Variants in CCDC181 observed in about 807,000 individuals in gnomAD.
CCDC181 encodes coiled-coil domain containing 181.
A neutral mutation model predicts 58.7 loss-of-function variants in CCDC181; 35 were observed. The observed-to-expected ratio is 0.60, with a 90% CI of 0.46 to 0.79. CCDC181 has a LOEUF of 0.79. Ranked by LOEUF, CCDC181 falls within the 30% of genes least tolerant of loss-of-function variation. The probability of loss-of-function intolerance (pLI) is 0.00; values close to 1 mark genes in which losing one functional copy is unlikely to be tolerated. For missense variants in CCDC181, 517 were observed against 583.9 expected (o/e 0.89, Z 1.18); for synonymous variants, 183 against 197.5 (o/e 0.93, Z 0.62).
rs1454281686 is a variant in CCDC181, at chr1:169,427,368, G to C, written c.-104C>G. On this transcript the variant is annotated 5_prime_UTR_variant, in exon 1 of 6. The change creates a premature stop within an existing upstream ORF in the 5' untranslated region. Transcript: ENST00000367806. Reference sequence around the variant, plus strand: ...CTCCTCTTTCTAAGCTCTTCACATTGAGGCAAAGGAGACCCCGGCACCTGC... The same window carrying C: ...CTCCTCTTTCTAAGCTCTTCACATTCAGGCAAAGGAGACCCCGGCACCTGC... The C allele has an allele frequency of 2.0e-5, 3 of 152,248 alleles. No homozygotes were observed. The highest frequency in any genetic ancestry group is 2.9e-5 in the Non-Finnish European group (2 of 68,124). The allele number at this position is 152,248 out of a possible 1,614,324, so 9.4% of individuals were successfully genotyped here.
At chr1:169,396,109 A>G (rs896526599) in intron 5 of CCDC181, 1 of 152,210 alleles carries the variant, frequency 6.6e-6, no homozygotes, top group Non-Finnish European at 1.5e-5. Context: ...GTATTTTGAA[A>G]TTGTAAATAC....
At chr1:169,404,397 T>TG (rs1439503143) in intron 4 of CCDC181, among the ~76,000 whole-genome samples, 5 of 152,188 alleles carry the variant, frequency 3.3e-5, no homozygotes, top group Non-Finnish European at 7.4e-5. Context: ...TGAACATTGA[T>TG]GCAAAAATCC....
At chr1:169,398,571 G>T (rs568651952) in intron 4 of CCDC181, among the ~76,000 whole-genome samples, 1 of 151,416 alleles carries the variant, frequency 6.6e-6, no homozygotes, top group Non-Finnish European at 1.5e-5. Context: ...TAAAATTAAG[G>T]TTCCCTCTCT....
At chr1:169,404,505 C>T (rs767712293) in intron 4 of CCDC181, among the ~76,000 whole-genome samples, 16 of 152,262 alleles carry the variant, frequency 1.1e-4, no homozygotes, top group African/African-American at 3.6e-4. Flanking sequence ...CCTGGTTCAA[C>T]GTATGCAAAT....
At chr1:169,458,361 C>T (rs1224497611) in intron 2 of CCDC181, among the ~76,000 whole-genome samples, 1 of 152,004 alleles carries the variant, frequency 6.6e-6, no homozygotes, top group Admixed American at 6.6e-5. Context: ...ACATTCCCAC[C>T]AGCAATTTAT....
At chr1:169,440,229 A>G (rs1488040450) in intron 2 of CCDC181, among the ~76,000 whole-genome samples, 3 of 152,232 alleles carry the variant, frequency 2.0e-5, no homozygotes, top group Admixed American at 6.5e-5. Context: ...CCCCAGTCCA[A>G]GAGAACTAGG....
chr1:169,433,598 A>T (rs1173645696), intron 2 of CCDC181, among the ~76,000 whole-genome samples: 1 of 152,060 alleles, frequency 6.6e-6, no homozygotes, highest in East Asian at 1.9e-4. Context: ...AAACCAATGG[A>T]ATCAAATTTA....
chr1:169,450,171 G>C (rs1255822945), intron 2 of CCDC181, among the ~76,000 whole-genome samples: 1 of 152,170 alleles, frequency 6.6e-6, no homozygotes, highest in Non-Finnish European at 1.5e-5. Flanking sequence ...GAAACAGAAG[G>C]GCTCAAGAGG....
At chr1:169,414,590 A>G (rs1557866222) in intron 4 of CCDC181, among the ~76,000 whole-genome samples, 3 of 152,194 alleles carry the variant, frequency 2.0e-5, no homozygotes, top group African/African-American at 4.8e-5. Flanking sequence ...GTATACATAT[A>G]TATCACTGAG....
At chr1:169,458,530 G>A (rs1287476467) in intron 2 of CCDC181, among the ~76,000 whole-genome samples, 1 of 152,080 alleles carries the variant, frequency 6.6e-6, no homozygotes, top group African/African-American at 2.4e-5. Flanking sequence ...TGGAGTTGGG[G>A]TAGGCACTCT....
intron 4 of CCDC181, among the ~76,000 whole-genome samples, chr1:169,413,220 G>A (rs77301233): frequency 6.6e-6 from 1 of 152,170 alleles, no homozygotes; most frequent in Non-Finnish European, 1.5e-5. Context: ...GATATGAACA[G>A]ACAATTCTCT....
chr1:169,432,296 T>C (rs1387829990), upstream of CCDC181, among the ~76,000 whole-genome samples: 1 of 152,062 alleles, frequency 6.6e-6, no homozygotes, highest in African/African-American at 2.4e-5. Flanking sequence ...TTGTTGTATC[T>C]GAGAAACAAA....
chr1:169,394,944 T>C lies in CCDC181; in HGVS notation c.*103A>G. 1 of 1,059,934 alleles carries C rather than the reference T, an allele frequency of 9.4e-7. No individual in the cohort carries two copies. The highest frequency in any genetic ancestry group is 1.3e-6 in the Non-Finnish European group (1 of 762,666). 65.7% of individuals were successfully genotyped at this position (1,059,934 alleles called of 1,614,324 possible). A position where few individuals can be genotyped will look rare whatever the true frequency, so the allele number is the denominator to read the frequency against. On this transcript the variant is annotated 3_prime_UTR_variant, in exon 6 of 6. Transcript: ENST00000367806. ...AAATTCACTGTCAATAAAAGATAAA[T>C]ACCATTTCCATAATTTAGAATACAA... is the stretch of plus-strand genomic sequence containing the variant.
chr1:169,437,650 G>T (rs1477576720), intron 2 of CCDC181, among the ~76,000 whole-genome samples: 7 of 152,144 alleles, frequency 4.6e-5, no homozygotes. Flanking sequence ...CTGATCAGGG[G>T]CATAGTGGTG....
intron 2 of CCDC181, among the ~76,000 whole-genome samples, chr1:169,441,888 G>A (rs571155292): frequency 5.9e-5 from 9 of 152,092 alleles, no homozygotes; most frequent in East Asian, 1.9e-4. Flanking sequence ...TACTAGTTAC[G>A]TGTATAAATT....
At chr1:169,407,999 G>A (rs946502173) in intron 4 of CCDC181, among the ~76,000 whole-genome samples, 14 of 152,190 alleles carry the variant, frequency 9.2e-5, no homozygotes, top group Non-Finnish European at 2.1e-4. Context: ...ACAAAACTGG[G>A]TGGCCGTTTG....
chr1:169,408,674 G>C (rs1655804368), intron 4 of CCDC181, among the ~76,000 whole-genome samples: 1 of 152,196 alleles, frequency 6.6e-6, no homozygotes, highest in African/African-American at 2.4e-5. Context: ...CTGGGACAAA[G>C]CTTCCAGAGG....
At chr1:169,396,152 C>T (rs1237645020) in intron 5 of CCDC181, 4 of 152,134 alleles carry the variant, frequency 2.6e-5, no homozygotes, top group African/African-American at 9.7e-5. Context: ...AGTATGCATA[C>T]TGGTGTTAAC....
intron 4 of CCDC181, among the ~76,000 whole-genome samples, chr1:169,398,707 C>G (rs935629526): frequency 1.1e-4 from 17 of 152,334 alleles, no homozygotes; most frequent in Non-Finnish European, 2.9e-5. Context: ...ACATGGCTAG[C>G]AGCTACTCTA....
Sources: gnomAD v4.1 joint callset for allele counts (sites outside exome capture counted in the v4.1 genomes callset) on GRCh38, gnomAD v4.1.1 for gene constraint, MANE v1.5 for transcripts, NCBI Gene and HGNC (gene_info 2026-07-23, HGNC 2026-07-21) for gene names.